LY86: variants seen among roughly 807,000 people sequenced by gnomAD.
The protein encoded by LY86 is MD-1, RP105-associated.
In LY86, 20 loss-of-function variants were observed where a neutral mutation model predicts 17.3. The ratio of observed to expected loss-of-function variants is 1.15; its 90% confidence interval spans 0.81 to 1.68. The LOEUF (loss-of-function observed/expected upper bound fraction) is 1.68, where lower values mean the gene tolerates loss of function less well. Among genes scored for constraint, LY86 ranks in the 40% most tolerant of loss-of-function variants. LY86 has a pLI of 0.00. For synonymous variants in LY86, 74 were observed against 70.6 expected, an observed-to-expected ratio of 1.05 and a Z score of -0.24; for missense variants, 200 against 191.9, an observed-to-expected ratio of 1.04 and a Z score of -0.25.
At chr6:6,614,819 T>G (rs1761512747) in intron 1 of LY86, among the ~76,000 whole-genome samples, 1 of 152,004 alleles carries the variant, frequency 6.6e-6, no homozygotes, top group Middle Eastern at 3.2e-3. Context: ...AAAGAATTCT[T>G]GAGAGTCGCT....
chr6:6,600,398 G>A (rs1028967976), intron 1 of LY86, among the ~76,000 whole-genome samples: 2 of 151,470 alleles, frequency 1.3e-5, no homozygotes, highest in African/African-American at 4.9e-5. Context: ...GAGATCAGTC[G>A]GTCCAACATG....
intron 3 of LY86, among the ~76,000 whole-genome samples, chr6:6,632,871 A>C (rs1033199656): frequency 6.6e-6 from 1 of 152,114 alleles, no homozygotes; most frequent in Middle Eastern, 3.2e-3. Context: ...GTCTGACATA[A>C]AGACTTTTCC....
At chr6:6,648,943 C>T (rs751675361) in intron 3 of LY86, among the ~76,000 whole-genome samples, 19 of 152,146 alleles carry the variant, frequency 1.2e-4, no homozygotes, top group Non-Finnish European at 2.5e-4. Context: ...ATCTGGATAT[C>T]GTCTTGTTTA....
Position 6,614,186 on chromosome 6 carries a change from C to T in LY86, c.137-10740C>T, listed in dbSNP as rs1053206509. ...ATGGAGAGGCACGAAGCACACACAACGCAACACAATCCGTCCAAGTTCACA... is the reference window on the plus strand; with the variant it reads ...ATGGAGAGGCACGAAGCACACACAATGCAACACAATCCGTCCAAGTTCACA... On this transcript the variant is annotated intron_variant, in intron 1 of 4. Transcript: ENST00000230568. Among the ~76,000 whole-genome samples the T allele has an allele frequency of 2.0e-5, 3 of 152,176 alleles. No homozygotes were observed. In the East Asian group the frequency reaches 5.8e-4, roughly 29 times the overall value.
intron 1 of LY86, among the ~76,000 whole-genome samples, chr6:6,616,878 A>C (rs922755363): frequency 1.3e-5 from 2 of 152,224 alleles, no homozygotes; most frequent in African/African-American, 4.8e-5. Flanking sequence ...GAGACAGACA[A>C]ATGCGTAAGA....
chr6:6,606,775 G>C (rs540558966), intron 1 of LY86, among the ~76,000 whole-genome samples: 1 of 152,060 alleles, frequency 6.6e-6, no homozygotes, highest in African/African-American at 2.4e-5. Flanking sequence ...CGCAAGCGCC[G>C]CGCGCAGCCC....
At chr6:6,603,646 CACACACACAG>C (rs1407468805) in intron 1 of LY86, among the ~76,000 whole-genome samples, 9 of 138,082 alleles carry the variant, frequency 6.5e-5, no homozygotes, top group Non-Finnish European at 9.4e-5. Context: ...CACACACACA[CACACACACAG>C]AGTGGAAAAC....
chr6:6,610,894 C>T (rs1169998145), intron 1 of LY86, among the ~76,000 whole-genome samples: 1 of 152,206 alleles, frequency 6.6e-6, no homozygotes, highest in Non-Finnish European at 1.5e-5. Flanking sequence ...CTCTTTCTGA[C>T]CCCAGCAGCC....
rs951683671 is a variant in LY86, at chr6:6,654,792, T to C, written c.*165T>C. 8.2e-6 allele frequency: 5 copies of C among 610,168 alleles called. No individual in the cohort carries two copies. In the Admixed American group the frequency reaches 1.2e-4, roughly 14 times the overall value. 37.8% of individuals were successfully genotyped at this position (610,168 alleles called of 1,614,324 possible). On this transcript the variant is annotated 3_prime_UTR_variant, in exon 5 of 5. Transcript: ENST00000230568. ...CTAATTTTAGTCCCAGGACCAGACA[T>C]CCCCAGACTCCACAGATGTAATGAA...
At chr6:6,636,676 G>A (rs1306639962) in intron 3 of LY86, among the ~76,000 whole-genome samples, 1 of 152,182 alleles carries the variant, frequency 6.6e-6, no homozygotes, top group Admixed American at 6.5e-5. Flanking sequence ...TGGGGAGAGA[G>A]TGTCATTTGC....
intron 4 of LY86, among the ~76,000 whole-genome samples, chr6:6,653,256 C>T (rs1439420771): frequency 6.6e-6 from 1 of 152,128 alleles, no homozygotes; most frequent in Admixed American, 6.5e-5. Flanking sequence ...CTAACAAAAG[C>T]CACCTTTCAT....
At position 6,614,042 on chromosome 6, in the gene LY86, T is replaced by C. The variant is rs114890691; in HGVS notation, c.137-10884T>C. On this transcript the variant is annotated intron_variant, in intron 1 of 4. Transcript: ENST00000230568. ...CATTCCCTAAAAGAATAAGTTGTTA[T>C]TTACAGCCTGTATTGGTTCCCGTGT... Among the ~76,000 whole-genome samples the C allele has an allele frequency of 3.6e-3, 553 of 152,368 alleles. 1 individual carries two copies. Among genetic ancestry groups the C allele is most frequent in the Non-Finnish European group, 5.6e-3 (380 of 68,032 alleles).
intron 3 of LY86, among the ~76,000 whole-genome samples, chr6:6,632,774 C>T (rs1761913364): frequency 6.6e-6 from 1 of 152,206 alleles, no homozygotes; most frequent in African/African-American, 2.4e-5. Flanking sequence ...TGACTTCCAT[C>T]CAGAATGCAT....
chr6:6,623,974 G>A (rs996529316), intron 1 of LY86, among the ~76,000 whole-genome samples: 6 of 152,230 alleles, frequency 3.9e-5, no homozygotes, highest in African/African-American at 1.2e-4. Context: ...AGACATCGCT[G>A]TTTTAAGAGT....
chr6:6,615,013 G>C lies in LY86; in HGVS notation c.137-9913G>C, dbSNP rs144261380. ...ATAAATTCTGTACACCTTGTGAAAT[G>C]GTTTGTAAGGAGATTTCTTAGGACA... On this transcript the variant is annotated intron_variant, in intron 1 of 4. Coordinates refer to ENST00000230568, the MANE Select transcript of LY86 (RefSeq NM_004271.4). Among the ~76,000 whole-genome samples, 677 of 152,296 alleles carry C rather than the reference G, an allele frequency of 4.4e-3. 16 individuals carry two copies. Among genetic ancestry groups the C allele is most frequent in the Admixed American group, 0.037 (570 of 15,306 alleles).
rs368270260 is a variant in LY86 at position 6,589,202 on chromosome 6, A to T, written c.136+332A>T. Among the ~76,000 whole-genome samples the T allele has an allele frequency of 5.1e-3, 777 of 152,340 alleles. 5 individuals are homozygous for T. Among genetic ancestry groups the T allele is most frequent in the African/African-American group, 0.018 (728 of 41,570 alleles). On this transcript the variant is annotated intron_variant, in intron 1 of 4. Coordinates refer to ENST00000230568, the MANE Select transcript of LY86 (RefSeq NM_004271.4). ...CCAAATCATCAAACCTCACCAGCTG[A>T]AAATTAGGAAAAGCAGCTTCCAGTA...
Position 6,595,359 on chromosome 6 carries a change from A to C in LY86, c.136+6489A>C, listed in dbSNP as rs150239414. ...GAGAAATGAGAAGCAGGAGAGGAGA[A>C]GGGGAGAAGAAAGAAGAGAGGGGAG... is the stretch of plus-strand genomic sequence containing the variant. On this transcript the variant is annotated intron_variant, in intron 1 of 4. Transcript: ENST00000230568. Among the ~76,000 whole-genome samples, 602 of 69,208 alleles carry C rather than the reference A, an allele frequency of 8.7e-3. 4 individuals carry two copies. The highest frequency in any genetic ancestry group is 0.019 in the African/African-American group (548 of 28,962). The allele number at this position is 69,208 out of a possible 152,430, so 45.4% of individuals were successfully genotyped here.
chr6:6,588,946 TG>T, intron 1 of LY86, 76 bp downstream of exon 1: 6 of 1,500,400 alleles, frequency 4.0e-6, no homozygotes, highest in Non-Finnish European at 5.4e-6. Context: ...AGTGCTCAGT[TG>T]GAGTTGGGGT....
rs1013285382 is a variant in LY86, at chr6:6,615,703, CAGTG to C, written c.137-9220_137-9217del. ...TGCCATTGCACTCCAGCCTGGGTGA[CAGTG>C]AGATGTTGTCTCAAAAAAAAAAAAA... On this transcript the variant is annotated intron_variant, in intron 1 of 4. Transcript: ENST00000230568. Among the ~76,000 whole-genome samples, 7 of 126,500 alleles carry C rather than the reference CAGTG, an allele frequency of 5.5e-5. No homozygotes were observed. In the East Asian group the frequency reaches 1.7e-3, roughly 31 times the overall value. The allele number at this position is 126,500 out of a possible 152,430, so 83.0% of individuals were successfully genotyped here.
Sources: allele counts gnomAD v4.1 joint callset (sites outside exome capture counted in the v4.1 genomes callset), GRCh38; gene constraint gnomAD v4.1.1; transcripts MANE v1.5; gene names NCBI Gene and HGNC (gene_info 2026-07-23, HGNC 2026-07-21).